HTRA1: variants seen among roughly 807,000 people sequenced by gnomAD.
HTRA1 encodes serine protease HTRA1.
Under a neutral mutation model 49.7 loss-of-function variants are expected in HTRA1, and 26 were observed. That is an observed-to-expected ratio of 0.52 (90% CI 0.38 to 0.73). HTRA1 has a LOEUF of 0.73. HTRA1 is among the 30% of genes least tolerant of loss of function. The probability of loss-of-function intolerance (pLI) is 0.00; values close to 1 mark genes in which losing one functional copy is unlikely to be tolerated. For missense variants in HTRA1, 561 were observed against 667.2 expected (o/e 0.84, Z 1.75); for synonymous variants, 291 against 286.9 (o/e 1.01, Z -0.14).
At chr10:122,479,849 T>C (rs1346782878) in intron 1 of HTRA1, among the ~76,000 whole-genome samples, 3 of 151,656 alleles carry the variant, frequency 2.0e-5, no homozygotes, top group Admixed American at 1.3e-4. Flanking sequence ...GCATTATCAG[T>C]TAGGGGGAGA....
chr10:122,505,937 G>C (rs568528406), intron 3 of HTRA1, among the ~76,000 whole-genome samples: 1 of 152,316 alleles, frequency 6.6e-6, no homozygotes, highest in Non-Finnish European at 1.5e-5. Flanking sequence ...GTTCCATTTT[G>C]TTGTGCAGAG....
At chr10:122,491,990 A>T (rs911759071) in intron 3 of HTRA1, among the ~76,000 whole-genome samples, 1 of 152,128 alleles carries the variant, frequency 6.6e-6, no homozygotes, top group Non-Finnish European at 1.5e-5. Flanking sequence ...CCTTGTTTTG[A>T]TGATGGGTTA....
At chr10:122,513,199 C>T (rs553690501) in intron 8 of HTRA1, among the ~76,000 whole-genome samples, 10 of 152,236 alleles carry the variant, frequency 6.6e-5, no homozygotes, top group East Asian at 1.9e-4. Flanking sequence ...AGCGTTTTGA[C>T]GCTGAGCTAT....
At chr10:122,480,974 T>C (rs754360885) in intron 1 of HTRA1, among the ~76,000 whole-genome samples, 3 of 152,148 alleles carry the variant, frequency 2.0e-5, no homozygotes, top group African/African-American at 7.2e-5. Flanking sequence ...TGCTGAACAC[T>C]CCGTCATCTT....
intron 1 of HTRA1, among the ~76,000 whole-genome samples, chr10:122,474,203 G>C (rs1489590039): frequency 6.6e-6 from 1 of 152,206 alleles, no homozygotes; most frequent in African/African-American, 2.4e-5. Context: ...TGGAAAGGAT[G>C]TCGGAAACCG....
intron 5 of HTRA1, among the ~76,000 whole-genome samples, chr10:122,507,953 G>T (rs2097503879): frequency 6.6e-6 from 1 of 151,814 alleles, no homozygotes; most frequent in Non-Finnish European, 1.5e-5. Flanking sequence ...CAGAGCTAGA[G>T]GGCAGCTCTG....
chr10:122,479,857 A>G (rs2097490216), intron 1 of HTRA1, among the ~76,000 whole-genome samples: 1 of 152,008 alleles, frequency 6.6e-6, no homozygotes, highest in East Asian at 1.9e-4. Flanking sequence ...AGTTAGGGGG[A>G]GACACTGAAG....
At chr10:122,510,390 G>T (rs2097505078) in intron 7 of HTRA1, among the ~76,000 whole-genome samples, 1 of 152,216 alleles carries the variant, frequency 6.6e-6, no homozygotes, top group African/African-American at 2.4e-5. Flanking sequence ...AGGCCCTCCG[G>T]TGTAGAAGGT....
chr10:122,486,778 GC>G (rs1803758573), intron 1 of HTRA1, among the ~76,000 whole-genome samples: 2 of 152,164 alleles, frequency 1.3e-5, no homozygotes, highest in African/African-American at 4.8e-5. Context: ...ATGTATGTGT[GC>G]ATTTGCATGT....
chr10:122,498,626 C>A (rs2097499700), intron 3 of HTRA1, among the ~76,000 whole-genome samples: 1 of 152,120 alleles, frequency 6.6e-6, no homozygotes, highest in South Asian at 2.1e-4. Context: ...TGGGCCATTG[C>A]TTTTCACAGT....
At chr10:122,508,199 A>G (rs980415656) in intron 5 of HTRA1, among the ~76,000 whole-genome samples, 1 of 152,094 alleles carries the variant, frequency 6.6e-6, no homozygotes, top group Non-Finnish European at 1.5e-5. Context: ...GCACTTGGGG[A>G]TGGAGTGGAG....
At chr10:122,486,838 G>A (rs1480257696) in intron 1 of HTRA1, among the ~76,000 whole-genome samples, 1 of 152,098 alleles carries the variant, frequency 6.6e-6, no homozygotes, top group African/African-American at 2.4e-5. Context: ...ATATGAATGT[G>A]TGTGGAAGTG....
intron 7 of HTRA1, among the ~76,000 whole-genome samples, chr10:122,511,049 C>T (rs2097505324): frequency 1.3e-5 from 2 of 152,138 alleles, no homozygotes; most frequent in African/African-American, 4.8e-5. Flanking sequence ...ATATGTCCTG[C>T]CTTGTGACCT....
rs34977432 is a variant in HTRA1 at position 122,478,392 on chromosome 10, A to ATTTT, written c.473-10495_473-10492dup. Among the ~76,000 whole-genome samples the ATTTT allele has an allele frequency of 9.2e-3, 1,101 of 119,060 alleles. 52 individuals are homozygous for ATTTT. Among genetic ancestry groups the ATTTT allele is most frequent in the African/African-American group, 0.02 (623 of 31,162 alleles). 78.1% of individuals were successfully genotyped at this position (119,060 alleles called of 152,430 possible). A position where few individuals can be genotyped will look rare whatever the true frequency, so the allele number is the denominator to read the frequency against. On this transcript the variant is annotated intron_variant, in intron 1 of 8. Transcript: ENST00000368984. ...GCTCCTGGGCTCCTGAGTTTGACAG[A>ATTTT]TTTTTTTTTTTTTTTTTTGAGACGG...
chr10:122,471,379 A>T (rs1185070815), intron 1 of HTRA1, among the ~76,000 whole-genome samples: 1 of 152,198 alleles, frequency 6.6e-6, no homozygotes, highest in Non-Finnish European at 1.5e-5. Flanking sequence ...TGTCATTTAC[A>T]GTCTGTTCCC....
chr10:122,485,578 A>C (rs2133436017), intron 1 of HTRA1, among the ~76,000 whole-genome samples: 1 of 152,298 alleles, frequency 6.6e-6, no homozygotes, highest in South Asian at 2.1e-4. Context: ...TGAGGCTGGA[A>C]CTGGGCCTTC....
At chr10:122,474,867 C>G (rs1591026935) in intron 1 of HTRA1, among the ~76,000 whole-genome samples, 1 of 152,076 alleles carries the variant, frequency 6.6e-6, no homozygotes, top group Admixed American at 6.5e-5. Flanking sequence ...ATAGATCAAG[C>G]AAGGACTGAA....
At chr10:122,486,301 A>C (rs1361726871) in intron 1 of HTRA1, among the ~76,000 whole-genome samples, 1 of 152,236 alleles carries the variant, frequency 6.6e-6, no homozygotes, top group African/African-American at 2.4e-5. Flanking sequence ...AATTAAATTA[A>C]GGCAGCCAAT....
chr10:122,477,603 T>C (rs1027697115), intron 1 of HTRA1, among the ~76,000 whole-genome samples: 4 of 152,228 alleles, frequency 2.6e-5, no homozygotes, highest in African/African-American at 9.6e-5. Context: ...TGTGCTGGCC[T>C]TCTTTATTTA....
Sources: gnomAD v4.1 joint callset for allele counts (sites outside exome capture counted in the v4.1 genomes callset) on GRCh38, gnomAD v4.1.1 for gene constraint, MANE v1.5 for transcripts, NCBI Gene and HGNC (gene_info 2026-07-23, HGNC 2026-07-21) for gene names.